TLK1: variants seen among roughly 807,000 people sequenced by gnomAD.
The protein encoded by TLK1 is serine/threonine-protein kinase tousled-like 1.
TLK1 carries 24 observed loss-of-function variants against 105.3 expected under a neutral mutation model. The observed-to-expected ratio is 0.23, with a 90% CI of 0.17 to 0.32. TLK1 has a LOEUF of 0.32. TLK1 is among the 10% of genes least tolerant of loss of function. TLK1 has a pLI of 1.00. For synonymous variants in TLK1, 321 were observed against 310.4 expected (o/e 1.03, Z -0.36); for missense variants, 558 against 910.5 (o/e 0.61, Z 4.98).
Position 171,082,762 on chromosome 2 carries a change from T to G in TLK1, c.330+19A>C. ...AGCTTTTACTTTAATAGCACCATATTTAAAATGAAATTACTTACCTCTGAT... is the reference window on the plus strand; with the variant it reads ...AGCTTTTACTTTAATAGCACCATATGTAAAATGAAATTACTTACCTCTGAT... On this transcript the variant is annotated intron_variant, in intron 3 of 20. Transcript: ENST00000431350. 6.4e-7 allele frequency: 1 copy of G among 1,565,006 alleles called. No homozygotes were observed. The highest frequency in any genetic ancestry group is 8.7e-7 in the Non-Finnish European group (1 of 1,144,810).
At chr2:171,223,151 T>C (rs1240363798) in intron 1 of TLK1, among the ~76,000 whole-genome samples, 1 of 152,202 alleles carries the variant, frequency 6.6e-6, no homozygotes, top group East Asian at 1.9e-4. Flanking sequence ...TACTTTCTTT[T>C]GGCTATATAC....
chr2:171,143,121 G>T (rs564234685), intron 1 of TLK1, among the ~76,000 whole-genome samples: 4 of 152,198 alleles, frequency 2.6e-5, no homozygotes, highest in Non-Finnish European at 2.9e-5. Flanking sequence ...ATGAATGCAC[G>T]AATGGACAAA....
intron 11 of TLK1, among the ~76,000 whole-genome samples, chr2:171,036,550 T>G (rs747908795): frequency 6.6e-6 from 1 of 152,172 alleles, no homozygotes; most frequent in Non-Finnish European, 1.5e-5. Flanking sequence ...TGAATCCAAA[T>G]GGAGTTTGAA....
intron 3 of TLK1, among the ~76,000 whole-genome samples, chr2:171,062,199 A>C (rs574878332): frequency 6.6e-6 from 1 of 152,346 alleles, no homozygotes; most frequent in Non-Finnish European, 1.5e-5. Context: ...CAAATTCTAG[A>C]AACGTGGTAA....
rs201798196 is a variant in TLK1 at position 171,108,080 on chromosome 2, C to A, written c.258+9659G>T. On this transcript the variant is annotated intron_variant, in intron 2 of 20. Coordinates refer to ENST00000431350, the MANE Select transcript of TLK1 (RefSeq NM_012290.5). ...CTCAAAAAAAAAACAACAACAACAA[C>A]AACAACAAAAAAACAGGAGCCAGGA... Among the ~76,000 whole-genome samples, 90 of 62,954 alleles carry A rather than the reference C, an allele frequency of 1.4e-3. 2 individuals are homozygous for A. The highest frequency in any genetic ancestry group is 3.7e-3 in the African/African-American group (45 of 12,162). 41.3% of individuals were successfully genotyped at this position (62,954 alleles called of 152,430 possible).
upstream of TLK1, among the ~76,000 whole-genome samples, chr2:171,164,841 C>T (rs1195346221): frequency 6.6e-6 from 1 of 152,020 alleles, no homozygotes; most frequent in African/African-American, 2.4e-5. Context: ...TAGATCAAGA[C>T]TGGGCACGGT....
intron 1 of TLK1, among the ~76,000 whole-genome samples, chr2:171,213,688 G>A (rs1316293258): frequency 6.7e-6 from 1 of 149,476 alleles, no homozygotes; most frequent in Non-Finnish European, 1.5e-5. Flanking sequence ...TAGTTGGGAG[G>A]CTGAGGTGGG....
At chr2:171,100,831 A>G (rs562129661) in intron 2 of TLK1, among the ~76,000 whole-genome samples, 1 of 152,316 alleles carries the variant, frequency 6.6e-6, no homozygotes, top group East Asian at 1.9e-4. Context: ...CTATATACCT[A>G]AAAGAACTAA....
At chr2:171,031,227 C>G (rs1297955730) in intron 11 of TLK1, among the ~76,000 whole-genome samples, 1 of 152,104 alleles carries the variant, frequency 6.6e-6, no homozygotes, top group Non-Finnish European at 1.5e-5. Flanking sequence ...ATTATTAATA[C>G]CTGACACATT....
intron 2 of TLK1, among the ~76,000 whole-genome samples, chr2:171,095,313 A>G (rs1167594873): frequency 6.6e-6 from 1 of 151,310 alleles, no homozygotes; most frequent in Admixed American, 6.6e-5. Context: ...AAAACAATAG[A>G]AAAAAAAACA....
chr2:171,142,336 G>A (rs1398201986), intron 1 of TLK1, among the ~76,000 whole-genome samples: 1 of 152,128 alleles, frequency 6.6e-6, no homozygotes, highest in East Asian at 1.9e-4. Context: ...TGTACTACAT[G>A]TTCCAATTAA....
chr2:171,207,856 G>A (rs1693535281), intron 1 of TLK1, among the ~76,000 whole-genome samples: 1 of 152,122 alleles, frequency 6.6e-6, no homozygotes, highest in East Asian at 1.9e-4. Context: ...CTCCCAAGTA[G>A]CTGGGATTAC....
At chr2:171,080,310 C>T (rs1688693042) in intron 3 of TLK1, among the ~76,000 whole-genome samples, 1 of 151,462 alleles carries the variant, frequency 6.6e-6, no homozygotes, top group Non-Finnish European at 1.5e-5. Context: ...AGAATAGTGA[C>T]ATCAGAAGAC....
chr2:171,122,795 T>C (rs868169973), intron 1 of TLK1, among the ~76,000 whole-genome samples: 1 of 151,952 alleles, frequency 6.6e-6, no homozygotes, highest in Admixed American at 6.6e-5. Flanking sequence ...TCCCAGCACG[T>C]TGGGAGACTG....
At chr2:171,132,537 G>A (rs1190872350) in intron 1 of TLK1, among the ~76,000 whole-genome samples, 1 of 152,150 alleles carries the variant, frequency 6.6e-6, no homozygotes, top group Non-Finnish European at 1.5e-5. Context: ...ATAATACAGC[G>A]TAGTGGTATT....
In TLK1 at chr2:171,088,179, A is replaced by C. The variant is rs563649569; in HGVS notation, c.259-5327T>G. On this transcript the variant is annotated intron_variant, in intron 2 of 20. Transcript: ENST00000431350. Reference sequence around the variant, plus strand: ...AACCCTGTCCCTACAGAGGAAAAAAAAAATTAGCCAGATGTGGTAGCATGT... The same window carrying C: ...AACCCTGTCCCTACAGAGGAAAAAACAAATTAGCCAGATGTGGTAGCATGT... Among the ~76,000 whole-genome samples, 186 of 152,274 alleles carry C rather than the reference A, an allele frequency of 1.2e-3. 1 individual carries two copies. Among genetic ancestry groups the C allele is most frequent in the African/African-American group, 4.3e-3 (180 of 41,542 alleles).
intron 11 of TLK1, among the ~76,000 whole-genome samples, chr2:171,036,049 G>C (rs564198897): frequency 6.6e-6 from 1 of 152,340 alleles, no homozygotes; most frequent in African/African-American, 2.4e-5. Flanking sequence ...AATTACTGCA[G>C]ATCTTCTTAC....
chr2:171,012,613 A>C (rs1684972536), intron 13 of TLK1, among the ~76,000 whole-genome samples: 1 of 151,944 alleles, frequency 6.6e-6, no homozygotes, highest in South Asian at 2.1e-4. Context: ...CAATTAGCTA[A>C]GACTATAGGC....
intron 5 of TLK1, 69 bp downstream of exon 5, chr2:171,058,082 G>T: frequency 6.6e-7 from 1 of 1,526,066 alleles, no homozygotes. Flanking sequence ...GTGCTTCTAA[G>T]AAATTATTTC....
Sources: allele counts gnomAD v4.1 joint callset (sites outside exome capture counted in the v4.1 genomes callset), GRCh38; gene constraint gnomAD v4.1.1; transcripts MANE v1.5; gene names NCBI Gene and HGNC (gene_info 2026-07-23, HGNC 2026-07-21).